The following ABRA variants were observed in gnomAD, a reference collection of about 807,000 sequenced individuals.
ABRA encodes actin-binding Rho-activating protein.
In ABRA, 25 loss-of-function variants were observed where a neutral mutation model predicts 33.4. The ratio of observed to expected loss-of-function variants is 0.75; its 90% CI spans 0.55 to 1.04. The LOEUF (loss-of-function observed/expected upper bound fraction) is 1.04, where lower values mean the gene tolerates loss of function less well. Ranked by LOEUF, ABRA falls within the 50% of genes least tolerant of loss-of-function variation. ABRA has a pLI of 0.00. For missense variants in ABRA, 501 were observed against 491.7 expected (o/e 1.02, Z -0.18); for synonymous variants, 193 against 176.8 (o/e 1.09, Z -0.73).
chr8:106,766,889 A>G (rs1209686684), intron 1 of ABRA, among the ~76,000 whole-genome samples: 1 of 152,238 alleles, frequency 6.6e-6, no homozygotes, highest in Non-Finnish European at 1.5e-5. Flanking sequence ...GAGACTCAGG[A>G]TTACCAAAGT....
chr8:106,761,628 T>A (rs1220076561), intron 1 of ABRA, 114 bp from the exon 2 acceptor site: 5 of 848,846 alleles, frequency 5.9e-6, no homozygotes, highest in Non-Finnish European at 7.1e-6. Context: ...ATTTTTTCAC[T>A]ACAAAAATAA....
At chr8:106,763,002 G>A (rs1836159150) in intron 1 of ABRA, among the ~76,000 whole-genome samples, 1 of 152,048 alleles carries the variant, frequency 6.6e-6, no homozygotes, top group South Asian at 2.1e-4. Flanking sequence ...TGGAAGCATT[G>A]GGATTGCAGA....
At position 106,761,497 on chromosome 8, in the gene ABRA, T is replaced by C; in HGVS notation, c.686A>G (p.Glu229Gly). 1 of 1,613,374 alleles carries C rather than the reference T, an allele frequency of 6.2e-7. No individual in the cohort carries two copies. The highest frequency in any genetic ancestry group is 8.5e-7 in the Non-Finnish European group (1 of 1,179,596). Residue 229 changes from glutamate (E) to glycine (G), a missense_variant, in exon 2 of 2, where the codon GAG (glutamate) becomes GGG (glycine). By Grantham distance (98) the Glu-to-Gly change is moderately conservative. Transcript: ENST00000311955. ...PLPSQVNRFT[E>G]KLNCKAQQKY... ...CTGTTGGGCTTTGCAGTTGAGTTTC[T>C]CTGTAAATCTGTTTACCCTAAAGTA...
intron 1 of ABRA, among the ~76,000 whole-genome samples, chr8:106,766,198 C>A (rs1407889745): frequency 3.3e-5 from 5 of 152,084 alleles, no homozygotes; most frequent in African/African-American, 1.2e-4. Flanking sequence ...CTGGATTGAA[C>A]AAGTCACATA....
chr8:106,769,673 C>A lies in ABRA; in HGVS notation c.518G>T (p.Gly173Val), dbSNP rs1301764620. 3 of 1,614,172 alleles carry A rather than the reference C, an allele frequency of 1.9e-6. No individual in the cohort carries two copies. Among genetic ancestry groups the A allele is most frequent in the East Asian group, 4.5e-5 (2 of 44,870 alleles). ...CANLVSELTKGWRVMEQEEPT... is the reference protein window; with the variant it reads ...CANLVSELTKVWRVMEQEEPT... ...CTCCTCCTGCTCCATCACTCTCCAG[C>A]CCTTGGTTAGCTCAGACACCAGGTT... The change falls in exon 1 of 2, where the codon GGC (glycine) becomes GTC (valine). Residue 173 changes from glycine to valine, a missense_variant. By Grantham distance (109) the Gly-to-Val change is moderately radical (BLOSUM62 -3). Coordinates refer to ENST00000311955, the MANE Select transcript of ABRA (RefSeq NM_139166.5).
chr8:106,763,137 T>C (rs1471935472), intron 1 of ABRA, among the ~76,000 whole-genome samples: 1 of 152,188 alleles, frequency 6.6e-6, no homozygotes. Context: ...CAAACTCACT[T>C]CCCGAAATCT....
At position 106,762,309 on chromosome 8, in the gene ABRA, C is replaced by T. The variant is rs530780002; in HGVS notation, c.669-795G>A. ...CTGTCTATAACTGTGAAATACTGCCCTAAATAGGTGACGTTGCAGGATTCA... is the reference window on the plus strand; with the variant it reads ...CTGTCTATAACTGTGAAATACTGCCTTAAATAGGTGACGTTGCAGGATTCA... On this transcript the variant is annotated intron_variant, in intron 1 of 1. Coordinates refer to ENST00000311955, the MANE Select transcript of ABRA (RefSeq NM_139166.5). Among the ~76,000 whole-genome samples the T allele has an allele frequency of 5.1e-4, 77 of 152,254 alleles. 1 individual carries two copies. Among genetic ancestry groups the T allele is most frequent in the African/African-American group, 1.7e-3 (72 of 41,530 alleles).
rs1199779847 is a variant in ABRA at position 106,770,215 on chromosome 8, G to C, written c.-25C>G. 8.2e-6 allele frequency: 13 copies of C among 1,583,442 alleles called. No homozygotes were observed. The highest frequency in any genetic ancestry group is 1.1e-5 in the Non-Finnish European group (13 of 1,170,778). On this transcript the variant is annotated 5_prime_UTR_variant, in exon 1 of 2. In the 5' UTR this introduces an upstream ATG that the reference lacks. Transcript: ENST00000311955. ...TGCTGCCCACCTGTCTTTCTCTGCT[G>C]ATAGCCTGGACACTGGCTAAAATGA...
In ABRA at chr8:106,761,408, ATTGTATGTG is replaced by A. The variant is rs1356652544; in HGVS notation, c.766_774del (p.His256_Gln258del). 2 of 1,614,160 alleles carry A rather than the reference ATTGTATGTG, an allele frequency of 1.2e-6. No homozygotes were observed. The highest frequency in any genetic ancestry group is 4.5e-5 in the East Asian group (2 of 44,876). ...TCACTGAAAGGATTGAGCTTCTGGG[ATTGTATGTG>A]TTCATCAGCCCACTGCTGCCATCTC... On this transcript the variant is annotated inframe_deletion, in exon 2 of 2. Coordinates refer to ENST00000311955, the MANE Select transcript of ABRA (RefSeq NM_139166.5).
Position 106,769,647 on chromosome 8 carries a change from G to T in ABRA, c.544C>A (p.Pro182Thr). The T allele has an allele frequency of 6.2e-7, 1 of 1,614,100 alleles. No homozygotes were observed. Among genetic ancestry groups the T allele is most frequent in the Admixed American group, 1.7e-5 (1 of 60,006 alleles). The change falls in exon 1 of 2, where the codon CCC becomes ACC. Residue 182 changes from proline to threonine, a missense_variant. By Grantham distance (38) the Pro-to-Thr change is conservative. Transcript: ENST00000311955. ...TCTACGCTGTCACTCCTCCATGTGG[G>T]CTCCTCCTGCTCCATCACTCTCCAG... The part of the protein sequence containing the change: ...KGWRVMEQEE[P>T]TWRSDSVDTE...
chr8:106,770,010 G>A lies in ABRA; in HGVS notation c.181C>T (p.Gln61Ter). The A allele has an allele frequency of 1.9e-6, 3 of 1,614,048 alleles. No individual in the cohort carries two copies. The highest frequency in any genetic ancestry group is 2.5e-6 in the Non-Finnish European group (3 of 1,180,022). Residue 61 changes from glutamine (Q) to a stop codon, truncating the protein, a stop_gained, in exon 1 of 2, where the codon CAA becomes TAA. Transcript: ENST00000311955. LOFTEE classifies it high-confidence loss of function. Reference protein sequence around the residue: ...WLPGGTQDSPQAPKPITPPTS... With the variant: ...WLPGGTQDSP ...GGGGGTGTGATTGGTTTAGGAGCTT[G>A]AGGTGAGTCCTGGGTCCCTCCCGGC...
At chr8:106,764,924 A>G (rs1413140880) in intron 1 of ABRA, among the ~76,000 whole-genome samples, 1 of 152,086 alleles carries the variant, frequency 6.6e-6, no homozygotes, top group East Asian at 1.9e-4. Context: ...GTCAAAGTGT[A>G]TTTGGTTTAA....
chr8:106,767,547 G>A (rs1353210438), intron 1 of ABRA, among the ~76,000 whole-genome samples: 1 of 152,210 alleles, frequency 6.6e-6, no homozygotes, highest in East Asian at 1.9e-4. Context: ...TGCATTTGGA[G>A]TAGGGCACGT....
intron 1 of ABRA, among the ~76,000 whole-genome samples, chr8:106,763,341 A>AC (rs1302924018): frequency 3.3e-5 from 5 of 152,242 alleles, no homozygotes; most frequent in African/African-American, 4.8e-5. Context: ...ATACTCCTAC[A>AC]TGTAACACCA....
Position 106,769,670 on chromosome 8 carries a change from C to T in ABRA, c.521G>A (p.Trp174Ter). 1 of 1,614,186 alleles carries T rather than the reference C, an allele frequency of 6.2e-7. No homozygotes were observed. The highest frequency in any genetic ancestry group is 8.5e-7 in the Non-Finnish European group (1 of 1,180,044). The change falls in exon 1 of 2, where the codon TGG becomes TAG. Residue 174 changes from tryptophan to a stop codon, truncating the protein, a stop_gained. Transcript: ENST00000311955. LOFTEE classifies it high-confidence loss of function. ...ANLVSELTKG[W>*]RVMEQEEPTW... ...GGGCTCCTCCTGCTCCATCACTCTC[C>T]AGCCCTTGGTTAGCTCAGACACCAG...
chr8:106,767,840 A>G (rs966556517), intron 1 of ABRA, among the ~76,000 whole-genome samples: 1 of 152,210 alleles, frequency 6.6e-6, no homozygotes, highest in Non-Finnish European at 1.5e-5. Flanking sequence ...TGGCTCATGC[A>G]TCCCAGGACT....
chr8:106,765,051 T>C (rs62514985), intron 1 of ABRA, among the ~76,000 whole-genome samples: 3,845 of 152,276 alleles, frequency 0.025, 53 homozygotes, highest in East Asian at 0.039. Context: ...ATGTGAGTGA[T>C]ACTTTAGATT....
Position 106,760,978 on chromosome 8 carries a change from A to G in ABRA, c.*59T>C. On this transcript the variant is annotated 3_prime_UTR_variant, in exon 2 of 2. Coordinates refer to ENST00000311955, the MANE Select transcript of ABRA (RefSeq NM_139166.5). ...GAGAGTTTGCATTTTCATTTTACCT[A>G]CATGAGCATTTAGCATTAAGACCAT... 2.1e-6 allele frequency: 3 copies of G among 1,438,730 alleles called. No individual in the cohort carries two copies. Among genetic ancestry groups the G allele is most frequent in the Non-Finnish European group, 2.9e-6 (3 of 1,042,754 alleles). The allele number at this position is 1,438,730 out of a possible 1,614,324, so 89.1% of individuals were successfully genotyped here. A position where few individuals can be genotyped will look rare whatever the true frequency, so the allele number is the denominator to read the frequency against.
chr8:106,761,222 C>A lies in ABRA; in HGVS notation c.961G>T (p.Ala321Ser). 1 of 1,614,194 alleles carries A rather than the reference C, an allele frequency of 6.2e-7. No individual in the cohort carries two copies. Residue 321 changes from alanine to serine, a missense_variant, in exon 2 of 2, where the codon GCT becomes TCT. Physicochemically the swap from Ala to Ser is moderately conservative, Grantham distance 99. Coordinates refer to ENST00000311955, the MANE Select transcript of ABRA (RefSeq NM_139166.5). ...MDMCFIICTM[A>S]RHRRDGKIQV... ...ATCTTGCCATCTCGTCTGTGGCGAG[C>A]CATTGTGCAGATAATGAAGCACATG... is the stretch of plus-strand genomic sequence containing the variant.
Sources: gnomAD v4.1 joint callset for allele counts (sites outside exome capture counted in the v4.1 genomes callset) on GRCh38, gnomAD v4.1.1 for gene constraint, MANE v1.5 for transcripts, NCBI Gene and HGNC (gene_info 2026-07-23, HGNC 2026-07-21) for gene names.